The following RPRD2 variants were observed in gnomAD, a reference collection of about 807,000 sequenced individuals.
RPRD2 encodes regulation of nuclear pre-mRNA domain-containing protein 2.
In RPRD2, 12 loss-of-function variants were observed where a neutral mutation model predicts 104.4. The observed-to-expected ratio is 0.11, with a 90% CI of 0.07 to 0.19. The LOEUF (loss-of-function observed/expected upper bound fraction) is 0.19, where lower values mean the gene tolerates loss of function less well. Among genes scored for constraint, RPRD2 ranks in the 10% least tolerant of loss-of-function variants. The pLI is 1.00. For missense variants in RPRD2, 1,543 were observed against 1,790.1 expected, an observed-to-expected ratio of 0.86 and a Z score of 2.49; for synonymous variants, 714 against 684.9, an observed-to-expected ratio of 1.04 and a Z score of -0.66.
chr1:150,431,060 A>G (rs1553891581), intron 2 of RPRD2, among the ~76,000 whole-genome samples: 2 of 152,250 alleles, frequency 1.3e-5, no homozygotes, highest in African/African-American at 2.4e-5. Flanking sequence ...TAATGAAATT[A>G]TAAAACAAGC....
chr1:150,440,685 T>G (rs587684845), intron 2 of RPRD2, among the ~76,000 whole-genome samples: 1 of 152,236 alleles, frequency 6.6e-6, no homozygotes, highest in Non-Finnish European at 1.5e-5. Context: ...GTATGTCATC[T>G]GTAGCTTCAT....
At chr1:150,458,300 T>C (rs1378590060) in intron 8 of RPRD2, among the ~76,000 whole-genome samples, 1 of 151,624 alleles carries the variant, frequency 6.6e-6, no homozygotes, top group African/African-American at 2.4e-5. Flanking sequence ...ACAAAAAATA[T>C]AAAAATTAGT....
intron 9 of RPRD2, among the ~76,000 whole-genome samples, chr1:150,462,472 A>AC (rs1240264176): frequency 1.3e-5 from 2 of 151,550 alleles, no homozygotes; most frequent in African/African-American, 2.4e-5. Flanking sequence ...CAAAAAAAAA[A>AC]CCTGTAAATT....
chr1:150,472,424 T>C lies in RPRD2; in HGVS notation c.3476T>C (p.Leu1159Pro). 6.2e-7 allele frequency: 1 copy of C among 1,613,952 alleles called. No individual in the cohort carries two copies. Among genetic ancestry groups the C allele is most frequent in the Non-Finnish European group, 8.5e-7 (1 of 1,179,872 alleles). ...CTTGGGGGTGGGGGCAGCGGAGGCCTCACTGGCTTTAAAACAGCACCATAC... is the reference window on the plus strand; with the variant it reads ...CTTGGGGGTGGGGGCAGCGGAGGCCCCACTGGCTTTAAAACAGCACCATAC... Reference protein sequence around the residue: ...ASLGGGGSGGLTGFKTAPYKE... With the variant: ...ASLGGGGSGGPTGFKTAPYKE... The change falls in exon 11 of 11, where the codon CTC becomes CCC. Residue 1159 changes from leucine (L) to proline (P), a missense_variant. Leu to Pro is a moderately conservative substitution (Grantham distance 98). Around this residue, in one of 4 missense-constraint regions of RPRD2, gnomAD observed 880 missense variants for 885.6 expected, o/e 0.99. Coordinates refer to ENST00000369068, the MANE Select transcript of RPRD2 (RefSeq NM_015203.5).
At chr1:150,407,832 A>G (rs1224892502) in intron 1 of RPRD2, among the ~76,000 whole-genome samples, 11 of 152,128 alleles carry the variant, frequency 7.2e-5, no homozygotes, top group African/African-American at 2.2e-4. Flanking sequence ...TTACAGTTAA[A>G]TATTTATTTA....
intron 1 of RPRD2, among the ~76,000 whole-genome samples, chr1:150,366,243 G>A (rs753946229): frequency 6.6e-6 from 1 of 152,296 alleles, no homozygotes; most frequent in Non-Finnish European, 1.5e-5. Flanking sequence ...CAGTTATTCT[G>A]CCTTATTCCA....
intron 9 of RPRD2, among the ~76,000 whole-genome samples, chr1:150,462,351 A>G (rs1570789643): frequency 1.3e-5 from 2 of 152,064 alleles, no homozygotes; most frequent in South Asian, 4.2e-4. Context: ...AGGCTGAGGC[A>G]TAAGTATCAT....
intron 3 of RPRD2, chr1:150,441,482 A>C: frequency 5.2e-6 from 1 of 193,744 alleles, no homozygotes; most frequent in Non-Finnish European, 1.1e-5. Flanking sequence ...GTTTTGTTAA[A>C]AGGAATTATG....
intron 7 of RPRD2, 27 bp from the exon 8 acceptor site, chr1:150,457,261 G>A: frequency 6.3e-7 from 1 of 1,580,846 alleles, no homozygotes. Flanking sequence ...CTTTTTCCAA[G>A]GAGTAAACTC....
chr1:150,462,384 G>A (rs1172266739), intron 9 of RPRD2, among the ~76,000 whole-genome samples: 2 of 151,712 alleles, frequency 1.3e-5, no homozygotes, highest in African/African-American at 4.8e-5. Context: ...GGCAGAGGTT[G>A]CAGTGATCCA....
intron 1 of RPRD2, among the ~76,000 whole-genome samples, chr1:150,380,642 C>G (rs182209704): frequency 1.3e-5 from 2 of 151,880 alleles, no homozygotes; most frequent in African/African-American, 2.4e-5. Flanking sequence ...CCACCACACC[C>G]GGCTCCTATT....
chr1:150,448,749 CT>C (rs1387331010), intron 7 of RPRD2, among the ~76,000 whole-genome samples: 2 of 152,168 alleles, frequency 1.3e-5, no homozygotes, highest in African/African-American at 2.4e-5. Context: ...CCTTTTCCCC[CT>C]GGGTCCTCCC....
Position 150,400,747 on chromosome 1 carries a change from T to C in RPRD2, c.206-16849T>C, listed in dbSNP as rs940171315. On this transcript the variant is annotated intron_variant, in intron 1 of 10. Coordinates refer to ENST00000369068, the MANE Select transcript of RPRD2 (RefSeq NM_015203.5). ...GGGGATAGCTTTTGGTTTTCCACCA[T>C]TATATATGATGTTAGCTGTAAGTTT... Among the ~76,000 whole-genome samples the C allele has an allele frequency of 3.9e-5, 6 of 152,268 alleles. No homozygotes were observed. The East Asian group carries it at 9.7e-4, about 25-fold the overall frequency.
Position 150,472,530 on chromosome 1 carries a change from T to C in RPRD2, c.3582T>C (p.Leu1194=). 1.9e-6 allele frequency: 3 copies of C among 1,613,792 alleles called. No homozygotes were observed. Among genetic ancestry groups the C allele is most frequent in the Non-Finnish European group, 2.5e-6 (3 of 1,179,828 alleles). The change falls in exon 11 of 11, where the codon CTT becomes CTC. Residue 1194 remains leucine, a synonymous_variant. Transcript: ENST00000369068. ...NSFNSTFEHH[L]PPSPLEHGTP... ...TCAACTCAACATTTGAGCATCATCT[T>C]CCCCCATCCCCCTTGGAACATGGGA... is the stretch of plus-strand genomic sequence containing the variant.
chr1:150,442,053 T>C (rs1184270440), intron 4 of RPRD2, 95 bp downstream of exon 4: 85 of 923,704 alleles, frequency 9.2e-5, no homozygotes, highest in East Asian at 1.9e-4. Flanking sequence ...GCATAAACCA[T>C]GGGCAAGCCT....
intron 1 of RPRD2, among the ~76,000 whole-genome samples, chr1:150,380,364 C>T (rs944145274): frequency 2.0e-5 from 3 of 152,060 alleles, no homozygotes; most frequent in East Asian, 3.8e-4. Flanking sequence ...CTCTTTCCCT[C>T]GCCCATCATT....
chr1:150,445,047 C>T (rs1433392733), intron 6 of RPRD2, among the ~76,000 whole-genome samples: 1 of 152,066 alleles, frequency 6.6e-6, no homozygotes, highest in Non-Finnish European at 1.5e-5. Flanking sequence ...CATTAATGAG[C>T]TTGGTGGCAC....
chr1:150,366,265 G>T (rs1659835128), intron 1 of RPRD2, among the ~76,000 whole-genome samples: 2 of 152,216 alleles, frequency 1.3e-5, no homozygotes, highest in Admixed American at 6.5e-5. Context: ...TTCTGCCATT[G>T]CTCCTGTAGT....
intron 3 of RPRD2, chr1:150,441,245 A>G (rs1442912844): frequency 7.1e-6 from 3 of 420,046 alleles, no homozygotes; most frequent in South Asian, 7.7e-5. Flanking sequence ...TTTAGTGACT[A>G]CAAAAGTCAA....
Sources: allele counts gnomAD v4.1 joint callset (sites outside exome capture counted in the v4.1 genomes callset), GRCh38; gene constraint gnomAD v4.1.1; regional missense constraint gnomAD v4.1.1; transcripts MANE v1.5; gene names NCBI Gene and HGNC (gene_info 2026-07-23, HGNC 2026-07-21).